The following HEATR3 variants were observed in gnomAD, a reference collection of about 807,000 sequenced individuals.
HEATR3 encodes the protein HEAT repeat containing 3.
HEATR3 carries 56 observed loss-of-function variants against 72.8 expected under a neutral mutation model. That is an observed-to-expected ratio of 0.77 (90% CI 0.62 to 0.96). The LOEUF (loss-of-function observed/expected upper bound fraction) is 0.96. HEATR3 is among the 40% of genes least tolerant of loss of function. The pLI is 0.00. For missense variants in HEATR3, 747 were observed against 831.4 expected, an observed-to-expected ratio of 0.90 and a Z score of 1.25; for synonymous variants, 331 against 318.1, an observed-to-expected ratio of 1.04 and a Z score of -0.43.
At chr16:50,093,974 A>G in intron 11 of HEATR3, among the ~76,000 whole-genome samples, 1 of 152,188 alleles carries the variant, frequency 6.6e-6, no homozygotes, top group Non-Finnish European at 1.5e-5. Flanking sequence ...GGAAGTGGCA[A>G]GGTTCTTGAA....
At position 50,104,969 on chromosome 16, in the gene HEATR3, A is replaced by G. The variant is rs757978208; in HGVS notation, c.1951A>G (p.Thr651Ala). Residue 651 changes from threonine (T) to alanine (A), a missense_variant, in exon 15 of 15, where the codon ACA becomes GCA. By Grantham distance (58) the Thr-to-Ala change is moderately conservative. Transcript: ENST00000299192. ...TAAAGAAGGGAGAGGTAACTATAGC[A>G]CAGATCAGCTGTGTGTTCTTGACAA... The part of the protein sequence containing the change: ...IRKEGRGNYS[T>A]DQLCVLDNVK... 1 of 1,611,070 alleles carries G rather than the reference A, an allele frequency of 6.2e-7. No homozygotes were observed. The highest frequency in any genetic ancestry group is 1.7e-5 in the Admixed American group (1 of 59,220).
chr16:50,066,261 C>T lies in HEATR3; in HGVS notation c.130C>T (p.Leu44=). The change falls in exon 1 of 15, where the codon CTG becomes TTG. Residue 44 remains leucine (L), a synonymous_variant. Coordinates refer to ENST00000299192, the MANE Select transcript of HEATR3 (RefSeq NM_182922.4). ...GGACGACGGGCCGGCGGCGGAGCTGCTGGAAAAGGTGAGGCGAGGGCTCCG... is the reference window on the plus strand; with the variant it reads ...GGACGACGGGCCGGCGGCGGAGCTGTTGGAAAAGGTGAGGCGAGGGCTCCG... ...EEDDGPAAEL[L]EKLQHPSAEV... is the part of the protein sequence containing the mutation. 6.4e-7 allele frequency: 1 copy of T among 1,569,012 alleles called. No individual in the cohort carries two copies. Among genetic ancestry groups the T allele is most frequent in the Non-Finnish European group, 8.6e-7 (1 of 1,160,918 alleles).
intron 6 of HEATR3, among the ~76,000 whole-genome samples, 194 bp from the exon 7 acceptor site, chr16:50,078,547 G>A (rs1052656000): frequency 6.6e-6 from 1 of 152,204 alleles, no homozygotes; most frequent in Non-Finnish European, 1.5e-5. Flanking sequence ...GAAGGGAGAT[G>A]ATTGTGCAGG....
rs938093450 is a variant in HEATR3, at chr16:50,106,285, T to C, written c.*1224T>C. 3 of 152,204 alleles carry C rather than the reference T, an allele frequency of 2.0e-5. No homozygotes were observed. The highest frequency in any genetic ancestry group is 4.8e-5 in the African/African-American group (2 of 41,456). 9.4% of individuals were successfully genotyped at this position (152,204 alleles called of 1,614,324 possible). ...GGGTCATTGCCATCCTCCCTACTCA[T>C]GACTTTGATGAGTTATTGCTGTAAC... On this transcript the variant is annotated 3_prime_UTR_variant, in exon 15 of 15. Transcript: ENST00000299192.
chr16:50,087,469 A>C (rs973611036), intron 11 of HEATR3, among the ~76,000 whole-genome samples: 5 of 152,264 alleles, frequency 3.3e-5, no homozygotes, highest in African/African-American at 1.2e-4. Flanking sequence ...ACAGATTTTC[A>C]TAGTTCCTCA....
At chr16:50,076,841 A>T (rs2036741180) in intron 6 of HEATR3, among the ~76,000 whole-genome samples, 1 of 147,416 alleles carries the variant, frequency 6.8e-6, no homozygotes. Context: ...TTGGCATTAC[A>T]GGCACCCACC....
intron 2 of HEATR3, 167 bp downstream of exon 2, chr16:50,066,706 T>G: frequency 1.8e-6 from 1 of 566,818 alleles, no homozygotes; most frequent in Non-Finnish European, 2.6e-6. Flanking sequence ...AGAAGCCCAG[T>G]ATCCCCGCAT....
chr16:50,086,090 G>A, intron 10 of HEATR3, 125 bp from the exon 11 acceptor site: 1 of 858,348 alleles, frequency 1.2e-6, no homozygotes, highest in South Asian at 1.9e-5. Context: ...TTTGCTAACT[G>A]CCATAGATAC....
intron 5 of HEATR3, chr16:50,073,578 T>C (rs2036659083): frequency 6.6e-6 from 1 of 152,176 alleles, no homozygotes; most frequent in South Asian, 2.1e-4. Context: ...GGAATCTTGG[T>C]GGGGCTGGAG....
intron 10 of HEATR3, among the ~76,000 whole-genome samples, chr16:50,085,467 GA>G (rs113473004): frequency 6.8e-6 from 1 of 147,598 alleles, no homozygotes; most frequent in African/African-American, 2.5e-5. Context: ...CTCTACAAAG[GA>G]AAAAAAAATA....
chr16:50,068,675 C>G, intron 2 of HEATR3, 105 bp from the exon 3 acceptor site: 1 of 844,812 alleles, frequency 1.2e-6, no homozygotes. Context: ...TAAGCTATTT[C>G]CTCTGGGAAA....
chr16:50,076,532 G>A (rs1446369238), intron 6 of HEATR3, among the ~76,000 whole-genome samples: 3 of 151,668 alleles, frequency 2.0e-5, no homozygotes, highest in East Asian at 1.9e-4. Context: ...GAAATTTACC[G>A]TCTTAATCGT....
At chr16:50,102,955 G>T (rs1047124028) in intron 14 of HEATR3, among the ~76,000 whole-genome samples, 1 of 151,988 alleles carries the variant, frequency 6.6e-6, no homozygotes, top group Non-Finnish European at 1.5e-5. Flanking sequence ...TAGAAACGGG[G>T]ATTCGCCTTG....
Position 50,074,099 on chromosome 16 carries a change from TATC to T in HEATR3, c.622+1390_622+1392del, listed in dbSNP as rs2036670931. 2.6e-5 allele frequency: 4 copies of T among 152,246 alleles called. No homozygotes were observed. The South Asian group carries it at 6.2e-4, about 24-fold the overall frequency. 9.4% of individuals were successfully genotyped at this position (152,246 alleles called of 1,614,324 possible). On this transcript the variant is annotated intron_variant, in intron 5 of 14. Coordinates refer to ENST00000299192, the MANE Select transcript of HEATR3 (RefSeq NM_182922.4). ...ATATATGTGGATTTCCATATAAATG[TATC>T]ATCAACCACAGCAGTAGCATGCATT...
chr16:50,084,682 G>C (rs760000570), intron 10 of HEATR3, 31 bp downstream of exon 10: 1 of 1,470,450 alleles, frequency 6.8e-7, no homozygotes, highest in South Asian at 1.2e-5. Context: ...AAAAACATTT[G>C]TCATTATTTT....
chr16:50,100,830 C>T (rs1179164246), intron 13 of HEATR3: 1 of 199,078 alleles, frequency 5.0e-6, no homozygotes, highest in Admixed American at 6.2e-5. Context: ...TAAGCAGCAA[C>T]CCTGGTAGTG....
chr16:50,104,078 G>A (rs555545541), intron 14 of HEATR3, among the ~76,000 whole-genome samples: 2 of 148,618 alleles, frequency 1.3e-5, no homozygotes, highest in African/African-American at 2.5e-5. Flanking sequence ...CGCTGGGCAT[G>A]GTGGCTCACA....
At chr16:50,084,898 A>G (rs771371369) in intron 10 of HEATR3, among the ~76,000 whole-genome samples, 1 of 152,212 alleles carries the variant, frequency 6.6e-6, no homozygotes, top group Non-Finnish European at 1.5e-5. Context: ...TGGTAAATAA[A>G]TTTTGACAAA....
chr16:50,077,326 A>ATT (rs56156778), intron 6 of HEATR3, among the ~76,000 whole-genome samples: 49 of 149,510 alleles, frequency 3.3e-4, no homozygotes, highest in Admixed American at 1.1e-3. Flanking sequence ...AATTTTTTGT[A>ATT]TTTTTTTTTG....
Sources: allele counts gnomAD v4.1 joint callset (sites outside exome capture counted in the v4.1 genomes callset), GRCh38; gene constraint gnomAD v4.1.1; transcripts MANE v1.5; gene names NCBI Gene and HGNC (gene_info 2026-07-23, HGNC 2026-07-21).